The following ACOXL variants were observed in gnomAD, a reference collection of about 807,000 sequenced individuals.
ACOXL encodes acyl-coenzyme A oxidase-like protein.
ACOXL carries 70 observed loss-of-function variants against 71.9 expected under a neutral mutation model. That is an observed-to-expected ratio of 0.97 (90% CI 0.80 to 1.19). The LOEUF is 1.19. Ranked by LOEUF, ACOXL falls within the 50% of genes most tolerant of loss-of-function variation. The probability of loss-of-function intolerance (pLI) is 0.00; values close to 1 mark genes in which losing one functional copy is unlikely to be tolerated. For synonymous variants in ACOXL, 253 were observed against 281.6 expected (o/e 0.90, Z 1.02); for missense variants, 703 against 736.3 (o/e 0.95, Z 0.52).
At chr2:110,792,102 T>C (rs1384987386) in intron 3 of ACOXL, among the ~76,000 whole-genome samples, 1 of 152,176 alleles carries the variant, frequency 6.6e-6, no homozygotes, top group Admixed American at 6.5e-5. Context: ...TGTCCTGGCT[T>C]CTACTCCAAA....
chr2:110,799,896 C>T (rs565942615), intron 7 of ACOXL, among the ~76,000 whole-genome samples: 9 of 152,174 alleles, frequency 5.9e-5, no homozygotes, highest in African/African-American at 1.9e-4. Flanking sequence ...CACCAATCAG[C>T]GCTCTGTAAA....
In ACOXL at chr2:110,909,532, T is replaced by C. The variant is rs2059578896; in HGVS notation, c.905+627T>C. Among the ~76,000 whole-genome samples the C allele has an allele frequency of 2.6e-5, 4 of 152,078 alleles. No individual in the cohort carries two copies. In the South Asian group the frequency reaches 8.3e-4, roughly 31 times the overall value. On this transcript the variant is annotated intron_variant, in intron 11 of 17. Transcript: ENST00000439055. The stretch of plus-strand genomic sequence containing the variant: ...CTCAGATCACAGAGCCTAGAAGTAG[T>C]GGACTGGGAGTGGAGCTCCAAACTC...
chr2:111,056,809 T>A (rs1388153056), intron 16 of ACOXL, among the ~76,000 whole-genome samples: 6 of 122,228 alleles, frequency 4.9e-5, no homozygotes, highest in East Asian at 2.4e-4. Flanking sequence ...AAAAAAAAAA[T>A]TTCATGGTAG....
intron 14 of ACOXL, among the ~76,000 whole-genome samples, chr2:111,023,454 A>C (rs2064871234): frequency 6.6e-6 from 1 of 152,122 alleles, no homozygotes; most frequent in Non-Finnish European, 1.5e-5. Flanking sequence ...TAATCAAAAA[A>C]TGGGATTTTT....
At chr2:110,960,427 C>T (rs907862) in intron 12 of ACOXL, among the ~76,000 whole-genome samples, 143,969 of 152,276 alleles carry the variant, frequency 0.95, 68,577 homozygotes, top group East Asian at 1. Context: ...CTCCTCTAAC[C>T]GTACCTTCCA....
intron 9 of ACOXL, among the ~76,000 whole-genome samples, chr2:110,837,351 A>G (rs903033528): frequency 6.6e-6 from 1 of 152,224 alleles, no homozygotes; most frequent in African/African-American, 2.4e-5. Context: ...GCATTTGGGA[A>G]GTGGCGCTTA....
intron 14 of ACOXL, among the ~76,000 whole-genome samples, chr2:110,997,077 A>T (rs566665070): frequency 5.5e-4 from 84 of 152,358 alleles, no homozygotes; most frequent in South Asian, 1.0e-3. Context: ...AAAATAAGAG[A>T]TGGATATATC....
chr2:110,854,215 AAG>A (rs1183466343), intron 10 of ACOXL, among the ~76,000 whole-genome samples: 1 of 152,162 alleles, frequency 6.6e-6, no homozygotes, highest in East Asian at 1.9e-4. Context: ...TGAGGGGAAG[AAG>A]AGAGGGGGAA....
intron 15 of ACOXL, among the ~76,000 whole-genome samples, chr2:111,035,293 G>A (rs150240829): frequency 1.3e-5 from 2 of 152,212 alleles, no homozygotes; most frequent in East Asian, 1.9e-4. Context: ...AGGGAAAACC[G>A]TGTTTGAAAT....
intron 14 of ACOXL, among the ~76,000 whole-genome samples, chr2:110,999,727 GC>G (rs2063539779): frequency 6.6e-6 from 1 of 152,192 alleles, no homozygotes; most frequent in Admixed American, 6.5e-5. Flanking sequence ...TCATAAGAAT[GC>G]CCTATGGGAA....
chr2:111,038,753 A>G (rs2065643130), intron 15 of ACOXL, among the ~76,000 whole-genome samples: 1 of 152,240 alleles, frequency 6.6e-6, no homozygotes, highest in Non-Finnish European at 1.5e-5. Flanking sequence ...ATTCCATACC[A>G]CATATTGTAA....
intron 14 of ACOXL, among the ~76,000 whole-genome samples, chr2:111,027,723 A>C (rs1189845276): frequency 6.6e-6 from 1 of 152,144 alleles, no homozygotes; most frequent in Non-Finnish European, 1.5e-5. Flanking sequence ...CTTTGTTGTA[A>C]GATTGTGTTC....
Position 110,983,235 on chromosome 2 carries a change from C to T in ACOXL, c.1060-3873C>T, listed in dbSNP as rs184125815. ...AAGTTTCACTGTACCTAGCATAAAT[C>T]AGTGAAATACTTAGTGTGAGGAAAT... On this transcript the variant is annotated intron_variant, in intron 12 of 17. Transcript: ENST00000439055. Among the ~76,000 whole-genome samples, 300 of 152,322 alleles carry T rather than the reference C, an allele frequency of 2.0e-3. 1 individual carries two copies. Among genetic ancestry groups the T allele is most frequent in the African/African-American group, 6.9e-3 (287 of 41,578 alleles).
At chr2:111,098,099 T>C (rs914268588) in intron 17 of ACOXL, among the ~76,000 whole-genome samples, 1 of 152,232 alleles carries the variant, frequency 6.6e-6, no homozygotes, top group African/African-American at 2.4e-5. Context: ...GCATGTACTC[T>C]GTGGTGTGAT....
At chr2:110,982,874 AGGGACCATGCTT>A (rs1412922006) in intron 12 of ACOXL, among the ~76,000 whole-genome samples, 1 of 152,230 alleles carries the variant, frequency 6.6e-6, no homozygotes, top group Non-Finnish European at 1.5e-5. Flanking sequence ...TGCCCTCAGA[AGGGACCATGCTT>A]GGTTCAGTGC....
At chr2:110,809,533 G>T (rs1437213650) in intron 9 of ACOXL, among the ~76,000 whole-genome samples, 1 of 152,224 alleles carries the variant, frequency 6.6e-6, no homozygotes, top group Non-Finnish European at 1.5e-5. Context: ...GAGCTTCAGG[G>T]AGAGCAAAGG....
intron 17 of ACOXL, among the ~76,000 whole-genome samples, chr2:111,110,648 G>T (rs1158545845): frequency 6.6e-6 from 1 of 152,132 alleles, no homozygotes; most frequent in Non-Finnish European, 1.5e-5. Flanking sequence ...CCCCAAAACA[G>T]GCACCTACCC....
intron 9 of ACOXL, among the ~76,000 whole-genome samples, chr2:110,840,281 A>T (rs373112134): frequency 6.6e-6 from 1 of 152,196 alleles, no homozygotes; most frequent in Non-Finnish European, 1.5e-5. Flanking sequence ...CACTTGTTGT[A>T]TGATGAAATA....
intron 16 of ACOXL, among the ~76,000 whole-genome samples, chr2:111,058,494 C>T (rs759443937): frequency 1.3e-5 from 2 of 152,188 alleles, no homozygotes; most frequent in African/African-American, 4.8e-5. Context: ...AGCTCCCTGC[C>T]GTCAACCAAC....
Sources: allele counts gnomAD v4.1 joint callset (sites outside exome capture counted in the v4.1 genomes callset), GRCh38; gene constraint gnomAD v4.1.1; transcripts MANE v1.5; gene names NCBI Gene and HGNC (gene_info 2026-07-23, HGNC 2026-07-21).